Variants in UBAP2 observed in about 807,000 individuals in gnomAD.
UBAP2 encodes ubiquitin-associated protein 2.
UBAP2 carries 75 observed loss-of-function variants against 139.6 expected under a neutral mutation model. The ratio of observed to expected loss-of-function variants is 0.54; its 90% CI spans 0.45 to 0.65. The LOEUF is 0.65. Ranked by LOEUF, UBAP2 falls within the 30% of genes least tolerant of loss-of-function variation. The pLI is 0.00. For missense variants in UBAP2, 1,368 were observed against 1,369.6 expected (o/e 1.00, Z 0.02); for synonymous variants, 526 against 526.2 (o/e 1.00, Z 0.01).
At chr9:33,935,951 TC>T in intron 16 of UBAP2, 73 bp from the exon 17 acceptor site, 1 of 1,350,794 alleles carries the variant, frequency 7.4e-7, no homozygotes, top group Admixed American at 2.1e-5. Flanking sequence ...TTTTATACTT[TC>T]TACAACATGT....
At chr9:33,958,069 C>T (rs1017259511) in intron 10 of UBAP2, among the ~76,000 whole-genome samples, 29 of 152,104 alleles carry the variant, frequency 1.9e-4, no homozygotes, top group African/African-American at 6.3e-4. Context: ...TCAAGCATTC[C>T]TCCCACCTCT....
chr9:34,031,728 T>G (rs1825904367), intron 1 of UBAP2, among the ~76,000 whole-genome samples: 1 of 150,072 alleles, frequency 6.7e-6, no homozygotes, highest in African/African-American at 2.5e-5. Flanking sequence ...GAGGCTTCAC[T>G]GAGCTGAGAT....
intron 2 of UBAP2, among the ~76,000 whole-genome samples, chr9:34,002,932 C>T (rs1822847914): frequency 6.6e-6 from 1 of 152,158 alleles, no homozygotes; most frequent in African/African-American, 2.4e-5. Flanking sequence ...TAAGCAATTC[C>T]TCTGCTCAGC....
chr9:34,030,362 T>G (rs1325418221), intron 1 of UBAP2, among the ~76,000 whole-genome samples: 1 of 151,042 alleles, frequency 6.6e-6, no homozygotes, highest in Non-Finnish European at 1.5e-5. Context: ...GGCAGGAGAA[T>G]GGCGTGAACC....
chr9:33,924,016 G>T lies in UBAP2; in HGVS notation c.2591-16C>A. ...GTGACATCACCTAGGAAAGAGCACT[G>T]ACTCCAGCCACTGCCCTTCCTCCAA... On this transcript the variant is annotated splice_polypyrimidine_tract_variant and intron_variant, in intron 23 of 28. Transcript: ENST00000379238. The T allele has an allele frequency of 6.2e-7, 1 of 1,612,844 alleles. No homozygotes were observed. Among genetic ancestry groups the T allele is most frequent in the South Asian group, 1.1e-5 (1 of 90,996 alleles).
In UBAP2 at chr9:33,973,211, C is replaced by G. The variant is rs1440691570; in HGVS notation, c.547G>C (p.Ala183Pro). The stretch of plus-strand genomic sequence containing the variant: ...ATGCCTTGGGTTGAGAACCTTCCTG[C>G]CCCTCTCCCTCTGCCACGTCCAAAT... ...RGFGRGRGRG[A>P]GRFSTQGMGT... The change falls in exon 7 of 29, where the codon GCA (alanine) becomes CCA (proline). Residue 183 changes from alanine (A) to proline (P), a missense_variant. Physicochemically the swap from Ala to Pro is conservative, Grantham distance 27. Coordinates refer to ENST00000379238, the MANE Select transcript of UBAP2 (RefSeq NM_001370062.2). 1.9e-6 allele frequency: 3 copies of G among 1,613,708 alleles called. No individual in the cohort carries two copies. The African/African-American group carries it at 4.0e-5, about 22-fold the overall frequency.
In UBAP2 at chr9:33,957,276, C is replaced by T. The variant is rs796069570; in HGVS notation, c.799-1130G>A. Among the ~76,000 whole-genome samples, 5 of 151,974 alleles carry T rather than the reference C, an allele frequency of 3.3e-5. No individual in the cohort carries two copies. The South Asian group carries it at 1.0e-3, about 32-fold the overall frequency. On this transcript the variant is annotated intron_variant, in intron 10 of 28. Coordinates refer to ENST00000379238, the MANE Select transcript of UBAP2 (RefSeq NM_001370062.2). ...TCACATTCTAACACATCCAATAAAC[C>T]GCAAATATTCAAACCAAATAACTGA...
At chr9:33,925,612 C>G (rs547600371) in intron 22 of UBAP2, among the ~76,000 whole-genome samples, 1 of 152,328 alleles carries the variant, frequency 6.6e-6, no homozygotes, top group South Asian at 2.1e-4. Flanking sequence ...GATTAAAGGG[C>G]TGCTGGTTTG....
At position 33,943,439 on chromosome 9, in the gene UBAP2, A is replaced by C; in HGVS notation, c.1696T>G (p.Leu566Val). 6.2e-7 allele frequency: 1 copy of C among 1,614,198 alleles called. No homozygotes were observed. Residue 566 changes from leucine (L) to valine (V), a missense_variant, in exon 15 of 29, where the codon TTG becomes GTG. Transcript: ENST00000379238. Reference protein sequence around the residue: ...SENSNQIPISLYSKSLSEPLN... With the variant: ...SENSNQIPISVYSKSLSEPLN... ...CAGTACCTTAAAGACTTCGAATACA[A>C]GCTGATGGGAATCTGATTACTATTT...
chr9:33,962,030 G>A (rs1032057664), intron 9 of UBAP2, among the ~76,000 whole-genome samples: 1 of 152,138 alleles, frequency 6.6e-6, no homozygotes, highest in African/African-American at 2.4e-5. Flanking sequence ...TTCTGTCTGA[G>A]AAACCACTAA....
intron 14 of UBAP2, 71 bp downstream of exon 14, chr9:33,944,279 CAGTTTCCAAAACTTA>C: frequency 1.3e-6 from 2 of 1,535,578 alleles, no homozygotes; most frequent in South Asian, 1.2e-5. Flanking sequence ...CACTGTACCC[CAGTTTCCAAAACTTA>C]GTATCCCACT....
At chr9:34,011,609 G>C in intron 2 of UBAP2, 1 of 985,606 alleles carries the variant, frequency 1.0e-6, no homozygotes, top group Non-Finnish European at 1.2e-6. Flanking sequence ...AAACATAAGA[G>C]TATAATAGGG....
At chr9:34,004,288 C>G (rs1314765384) in intron 2 of UBAP2, among the ~76,000 whole-genome samples, 1 of 152,006 alleles carries the variant, frequency 6.6e-6, no homozygotes, top group Non-Finnish European at 1.5e-5. Flanking sequence ...TATTTCTTAG[C>G]TCACTATTAA....
At chr9:33,994,404 A>T (rs1308851801) in intron 4 of UBAP2, 1 of 148,364 alleles carries the variant, frequency 6.7e-6, no homozygotes, top group Non-Finnish European at 1.5e-5. Context: ...CCATAAAAAG[A>T]TCCAAAAAGA....
chr9:33,987,147 A>T (rs537685083), intron 5 of UBAP2, among the ~76,000 whole-genome samples: 60 of 152,196 alleles, frequency 3.9e-4, no homozygotes, highest in African/African-American at 1.4e-3. Context: ...ACAGTGGCTC[A>T]CACCTATAAT....
intron 6 of UBAP2, among the ~76,000 whole-genome samples, chr9:33,977,805 G>C (rs1820288800): frequency 6.6e-6 from 1 of 151,628 alleles, no homozygotes. Context: ...TGGGATTACA[G>C]GTGTGCATCA....
At chr9:33,960,926 C>G (rs1564031832) in intron 9 of UBAP2, 48 bp from the exon 10 acceptor site, 1 of 1,567,970 alleles carries the variant, frequency 6.4e-7, no homozygotes, top group Non-Finnish European at 8.8e-7. Context: ...AAGTCAAATA[C>G]AGTCTCAGTC....
chr9:34,038,494 G>A (rs986533264), intron 1 of UBAP2, among the ~76,000 whole-genome samples: 1 of 152,134 alleles, frequency 6.6e-6, no homozygotes, highest in Admixed American at 6.5e-5. Context: ...TGTGTTGGCC[G>A]GGCTGGTCTC....
At chr9:33,995,928 G>A (rs1822163378) in intron 4 of UBAP2, 2 of 266,446 alleles carry the variant, frequency 7.5e-6, no homozygotes, top group South Asian at 7.2e-5. Context: ...AGAGCCAAGA[G>A]ATGCTTTTCA....
Sources: gnomAD v4.1 joint callset for allele counts (sites outside exome capture counted in the v4.1 genomes callset) on GRCh38, gnomAD v4.1.1 for gene constraint, MANE v1.5 for transcripts, NCBI Gene and HGNC (gene_info 2026-07-23, HGNC 2026-07-21) for gene names.